VPS13A: variants seen among roughly 807,000 people sequenced by gnomAD.
VPS13A encodes vacuolar protein sorting 13 homolog A, also known as intermembrane lipid transfer protein VPS13A.
A neutral mutation model predicts 390.9 loss-of-function variants in VPS13A; 264 were observed. The observed-to-expected ratio is 0.68, with a 90% CI of 0.61 to 0.75. The LOEUF (loss-of-function observed/expected upper bound fraction) is 0.75. Ranked by LOEUF, VPS13A falls within the 30% of genes least tolerant of loss-of-function variation. VPS13A has a pLI of 0.00. For missense variants in VPS13A, 3,409 were observed against 3,733.9 expected, an observed-to-expected ratio of 0.91 and a Z score of 2.27; for synonymous variants, 1,231 against 1,227.1, an observed-to-expected ratio of 1.00 and a Z score of -0.07.
chr9:77,195,677 C>T (rs1180060647), intron 1 of VPS13A, among the ~76,000 whole-genome samples: 1 of 152,100 alleles, frequency 6.6e-6, no homozygotes, highest in Non-Finnish European at 1.5e-5. Flanking sequence ...GCGGAGGTTG[C>T]AGTGAGCTGA....
chr9:77,250,397 C>G (rs1004269100), intron 21 of VPS13A, among the ~76,000 whole-genome samples, 168 bp downstream of exon 21: 2 of 152,080 alleles, frequency 1.3e-5, no homozygotes, highest in East Asian at 3.9e-4. Context: ...GTCTTGCCCC[C>G]CCAAGAGACA....
chr9:77,358,324 T>C (rs1346086330), intron 56 of VPS13A, 33 bp from the exon 57 acceptor site: 2 of 1,509,420 alleles, frequency 1.3e-6, no homozygotes, highest in Non-Finnish European at 1.8e-6. Context: ...ATAATTGACA[T>C]ATTAATATAC....
chr9:77,398,269 A>G (rs1834200095), intron 68 of VPS13A, among the ~76,000 whole-genome samples: 3 of 152,182 alleles, frequency 2.0e-5, no homozygotes, highest in Non-Finnish European at 4.4e-5. Context: ...TGATACCATG[A>G]GGAAGAAACA....
chr9:77,234,167 T>A (rs1388184491), intron 17 of VPS13A, among the ~76,000 whole-genome samples: 3 of 152,176 alleles, frequency 2.0e-5, no homozygotes, highest in Admixed American at 6.5e-5. Context: ...GAAAGATATT[T>A]AAGTTAATTA....
Position 77,370,438 on chromosome 9 carries a change from A to C in VPS13A, c.8767A>C (p.Lys2923Gln), listed in dbSNP as rs1159050405. ...AVGGLAGAAS[K>Q]ITGAMAKGVA... ...AGGTGGATTGGCTGGTGCTGCCTCC[A>C]AAATCACCGGTGCTATGGCTAAGGG... The change falls in exon 65 of 72, where the codon AAA (lysine) becomes CAA (glutamine). Residue 2923 changes from lysine (K) to glutamine (Q), a missense_variant. By Grantham distance (53) the Lys-to-Gln change is moderately conservative. Transcript: ENST00000360280. 5 of 1,614,192 alleles carry C rather than the reference A, an allele frequency of 3.1e-6. No homozygotes were observed. Among genetic ancestry groups the C allele is most frequent in the Non-Finnish European group, 4.2e-6 (5 of 1,180,028 alleles).
chr9:77,193,142 TC>T (rs1219122137), intron 1 of VPS13A, among the ~76,000 whole-genome samples: 3 of 151,730 alleles, frequency 2.0e-5, no homozygotes, highest in Non-Finnish European at 2.9e-5. Flanking sequence ...TGTTAATACT[TC>T]CAGTGATATT....
rs1417207042 is a variant in VPS13A at position 77,417,275 on chromosome 9, C to G, written c.*1269C>G. ...TATTAACTGTTTTTGGAATTGAAGA[C>G]TCTGTATAGTCAATAGTTGTGAAAT... is the stretch of plus-strand genomic sequence containing the variant. On this transcript the variant is annotated 3_prime_UTR_variant, in exon 72 of 72. Coordinates refer to ENST00000360280, the MANE Select transcript of VPS13A (RefSeq NM_033305.3). 6.6e-6 allele frequency: 1 copy of G among 152,090 alleles called. No homozygotes were observed. Among genetic ancestry groups the G allele is most frequent in the Non-Finnish European group, 1.5e-5 (1 of 68,006 alleles). The allele number at this position is 152,090 out of a possible 1,614,324, so 9.4% of individuals were successfully genotyped here. A position where few individuals can be genotyped will look rare whatever the true frequency, so the allele number is the denominator to read the frequency against.
At chr9:77,396,946 C>A (rs1414282614) in intron 68 of VPS13A, among the ~76,000 whole-genome samples, 1 of 152,262 alleles carries the variant, frequency 6.6e-6, no homozygotes, top group South Asian at 2.1e-4. Flanking sequence ...TATATATTTT[C>A]TTGCTTGATA....
intron 67 of VPS13A, among the ~76,000 whole-genome samples, chr9:77,373,486 C>A (rs1832895078): frequency 7.7e-6 from 1 of 129,428 alleles, no homozygotes; most frequent in Non-Finnish European, 1.7e-5. Flanking sequence ...AAAATCAATT[C>A]AAGATGGATT....
intron 26 of VPS13A, 88 bp downstream of exon 26, chr9:77,276,309 C>G: frequency 8.1e-7 from 1 of 1,228,592 alleles, no homozygotes; most frequent in East Asian, 2.6e-5. Flanking sequence ...GGCTCTGAAT[C>G]AGTACATTTG....
chr9:77,214,415 T>C (rs773775762), intron 10 of VPS13A, 29 bp downstream of exon 10: 3 of 1,568,318 alleles, frequency 1.9e-6, no homozygotes, highest in Non-Finnish European at 2.6e-6. Context: ...ATAAAAAAAG[T>C]AGTTAAAGTA....
At chr9:77,354,835 G>A (rs1563952861) in intron 54 of VPS13A, among the ~76,000 whole-genome samples, 2 of 152,068 alleles carry the variant, frequency 1.3e-5, no homozygotes, top group Non-Finnish European at 1.5e-5. Context: ...ATCTACCAGC[G>A]TTTGCATACT....
At chr9:77,200,542 A>G (rs561549873) in intron 2 of VPS13A, among the ~76,000 whole-genome samples, 1 of 152,232 alleles carries the variant, frequency 6.6e-6, no homozygotes, top group East Asian at 1.9e-4. Flanking sequence ...TTTTTATTTC[A>G]AATTTTTAAC....
intron 70 of VPS13A, among the ~76,000 whole-genome samples, chr9:77,406,683 C>T (rs1026554353): frequency 2.0e-5 from 3 of 151,414 alleles, no homozygotes; most frequent in Non-Finnish European, 4.4e-5. Context: ...TCCCAAAGTA[C>T]TGTGATTATA....
intron 31 of VPS13A, among the ~76,000 whole-genome samples, chr9:77,292,689 G>A (rs1246936718): frequency 6.6e-6 from 1 of 152,126 alleles, no homozygotes; most frequent in Non-Finnish European, 1.5e-5. Context: ...TAGCATTTAG[G>A]AGAATTGAGA....
intron 1 of VPS13A, among the ~76,000 whole-genome samples, chr9:77,198,475 T>G (rs1825130542): frequency 6.6e-6 from 1 of 152,214 alleles, no homozygotes; most frequent in African/African-American, 2.4e-5. Flanking sequence ...GTATTATGTC[T>G]GCACTCAGAA....
rs41289975 is a variant in VPS13A at position 77,368,306 on chromosome 9, A to G, written c.8553+170A>G. Among the ~76,000 whole-genome samples, 12,372 of 152,302 alleles carry G rather than the reference A, an allele frequency of 0.081. 619 individuals carry two copies. Among genetic ancestry groups the G allele is most frequent in the East Asian group, 0.12 (599 of 5,182 alleles). ...TAAAAAGAAATTAAGCTCAATCACT[A>G]TTTGAATTTTTTGTCCTTATATTTT... On this transcript the variant is annotated intron_variant, in intron 62 of 71. Coordinates refer to ENST00000360280, the MANE Select transcript of VPS13A (RefSeq NM_033305.3).
At chr9:77,390,175 T>C (rs1833847019) in intron 68 of VPS13A, 6 of 923,594 alleles carry the variant, frequency 6.5e-6, no homozygotes, top group Non-Finnish European at 6.5e-6. Flanking sequence ...ACAAAGGCTA[T>C]TGGACTTCAC....
intron 60 of VPS13A, 90 bp from the exon 61 acceptor site, chr9:77,366,637 A>G (rs1832445931): frequency 1.8e-6 from 2 of 1,114,798 alleles, no homozygotes; most frequent in African/African-American, 3.1e-5. Flanking sequence ...TTTATGGTGT[A>G]GTGAATTTAA....
Sources: gnomAD v4.1 joint callset for allele counts (sites outside exome capture counted in the v4.1 genomes callset) on GRCh38, gnomAD v4.1.1 for gene constraint, MANE v1.5 for transcripts, NCBI Gene and HGNC (gene_info 2026-07-23, HGNC 2026-07-21) for gene names.